Variants in TBL1XR1 observed in about 807,000 individuals in gnomAD.
TBL1XR1 encodes F-box-like/WD repeat-containing protein TBL1XR1.
In TBL1XR1, 5 loss-of-function variants were observed where a neutral mutation model predicts 66.9. The ratio of observed to expected loss-of-function variants is 0.07; its 90% confidence interval spans 0.04 to 0.16. The LOEUF is 0.16. Among genes scored for constraint, TBL1XR1 ranks in the 10% least tolerant of loss-of-function variants. TBL1XR1 has a pLI of 1.00. For missense variants in TBL1XR1, 238 were observed against 623.2 expected, an observed-to-expected ratio of 0.38 and a Z score of 6.58; for synonymous variants, 210 against 206.0, an observed-to-expected ratio of 1.02 and a Z score of -0.17.
intron 5 of TBL1XR1, 148 bp downstream of exon 5, chr3:177,051,356 T>C (rs772648707): frequency 1.3e-4 from 84 of 655,448 alleles, no homozygotes; most frequent in Non-Finnish European, 2.0e-4. Context: ...CTAGGCTTAG[T>C]ACCTGGGTGA....
chr3:177,053,704 A>G, intron 4 of TBL1XR1, 69 bp downstream of exon 4: 1 of 1,450,190 alleles, frequency 6.9e-7, no homozygotes, highest in Non-Finnish European at 9.5e-7. Flanking sequence ...TGAATAAGCA[A>G]GCAAGACAGC....
upstream of TBL1XR1, among the ~76,000 whole-genome samples, chr3:177,201,577 G>T (rs1358597449): frequency 6.6e-6 from 1 of 152,050 alleles, no homozygotes; most frequent in African/African-American, 2.4e-5. Context: ...GGACTACAGG[G>T]TCTCATTACT....
At chr3:177,075,344 C>T (rs2108582384) in intron 2 of TBL1XR1, among the ~76,000 whole-genome samples, 1 of 152,312 alleles carries the variant, frequency 6.6e-6, no homozygotes, top group East Asian at 1.9e-4. Context: ...TATAAAAACA[C>T]CAGTCATACT....
At chr3:177,156,505 T>TTA (rs1222289014) in intron 1 of TBL1XR1, among the ~76,000 whole-genome samples, 6 of 108,276 alleles carry the variant, frequency 5.5e-5, no homozygotes, top group African/African-American at 1.3e-4. Flanking sequence ...AAAAAAAAAA[T>TTA]TATATATATA....
At chr3:177,109,449 G>T (rs891583570) in intron 1 of TBL1XR1, among the ~76,000 whole-genome samples, 1 of 152,106 alleles carries the variant, frequency 6.6e-6, no homozygotes, top group Non-Finnish European at 1.5e-5. Flanking sequence ...TGGGATGATT[G>T]TAAGATTTGT....
At chr3:177,193,588 C>A (rs1382936383) in intron 1 of TBL1XR1, among the ~76,000 whole-genome samples, 1 of 152,292 alleles carries the variant, frequency 6.6e-6, no homozygotes, top group African/African-American at 2.4e-5. Flanking sequence ...GGATTACAGG[C>A]GTGAGCCACT....
At chr3:177,160,369 G>A (rs1454603330) in intron 1 of TBL1XR1, among the ~76,000 whole-genome samples, 1 of 151,848 alleles carries the variant, frequency 6.6e-6, no homozygotes, top group African/African-American at 2.4e-5. Context: ...AGCTATTCAG[G>A]AGGCCAAGGC....
intron 1 of TBL1XR1, among the ~76,000 whole-genome samples, chr3:177,157,674 A>C (rs1731679958): frequency 6.6e-6 from 1 of 152,104 alleles, no homozygotes; most frequent in South Asian, 2.1e-4. Flanking sequence ...AGGGATCTTT[A>C]TTCTCCCTAC....
intron 2 of TBL1XR1, among the ~76,000 whole-genome samples, chr3:177,090,809 C>T (rs563537245): frequency 4.9e-4 from 74 of 151,572 alleles, no homozygotes; most frequent in African/African-American, 1.7e-3. Flanking sequence ...GACTCCGTCT[C>T]GAAATAAAAT....
intron 1 of TBL1XR1, among the ~76,000 whole-genome samples, chr3:177,172,633 A>AAGAGAGAGAGAGAGAGAGAGAGAGAG (rs56803746): frequency 8.5e-6 from 1 of 117,550 alleles, no homozygotes; most frequent in Non-Finnish European, 1.7e-5. Context: ...AGAAAGAGAG[A>AAGAGAGAGAGAGAGAGAGAGAGAGAG]AGAGAGAGAG....
Position 177,154,480 on chromosome 3 carries a change from T to C in TBL1XR1, c.-122+42641A>G, listed in dbSNP as rs376920230. On this transcript the variant is annotated intron_variant, in intron 1 of 15. Transcript: ENST00000457928. The stretch of plus-strand genomic sequence containing the variant: ...GGTACAATCTCAGCTCACTGCAACT[T>C]GTACCTCCCAGGTTCAAGAGATTCT... Among the ~76,000 whole-genome samples, 42 of 152,278 alleles carry C rather than the reference T, an allele frequency of 2.8e-4. No homozygotes were observed. In the South Asian group the frequency reaches 8.3e-3, roughly 30 times the overall value.
At chr3:177,063,743 C>T (rs1293405970) in intron 3 of TBL1XR1, among the ~76,000 whole-genome samples, 1 of 152,222 alleles carries the variant, frequency 6.6e-6, no homozygotes, top group African/African-American at 2.4e-5. Flanking sequence ...GAGCTATTAA[C>T]TTCAAAGCTT....
At chr3:177,035,524 C>T (rs1714658124) in intron 12 of TBL1XR1, among the ~76,000 whole-genome samples, 1 of 151,946 alleles carries the variant, frequency 6.6e-6, no homozygotes, top group Admixed American at 6.6e-5. Flanking sequence ...CGCAATTCTC[C>T]TGCCTCAGCC....
At chr3:177,102,372 C>T (rs1337875346) in intron 1 of TBL1XR1, among the ~76,000 whole-genome samples, 1 of 152,140 alleles carries the variant, frequency 6.6e-6, no homozygotes, top group Non-Finnish European at 1.5e-5. Context: ...TTTCTAGAAA[C>T]ATACGCAGGA....
chr3:177,120,361 T>C (rs1196018106), intron 1 of TBL1XR1, among the ~76,000 whole-genome samples: 2 of 152,170 alleles, frequency 1.3e-5, no homozygotes, highest in South Asian at 4.1e-4. Context: ...AGTCATTTTA[T>C]AGTGTTAGAG....
intron 1 of TBL1XR1, among the ~76,000 whole-genome samples, chr3:177,117,457 T>C (rs1726437735): frequency 6.6e-6 from 1 of 152,216 alleles, no homozygotes; most frequent in Non-Finnish European, 1.5e-5. Flanking sequence ...TGCTGAATTA[T>C]CTGCACAGTC....
intron 1 of TBL1XR1, among the ~76,000 whole-genome samples, chr3:177,122,278 A>G (rs190479327): frequency 4.8e-5 from 4 of 83,840 alleles, no homozygotes; most frequent in Admixed American, 1.7e-4. Flanking sequence ...CATAACTTAT[A>G]TAAGACAGAT....
rs1349101285 is a variant in TBL1XR1, at chr3:177,038,146, G to A, written c.1074C>T (p.Asp358=). Residue 358 remains aspartate, a synonymous_variant, in exon 12 of 16, where the codon GAC becomes GAT. Transcript: ENST00000457928. ...AGGAGGCCAAGAGATTGCCAGTTGG[G>A]TCCCATTTGATAGCATTTACTTCAT... is the stretch of plus-strand genomic sequence containing the variant. The part of the protein sequence containing the change: ...HTNEVNAIKW[D]PTGNLLASCS... The A allele has an allele frequency of 6.2e-7, 1 of 1,613,134 alleles. No individual in the cohort carries two copies. Among genetic ancestry groups the A allele is most frequent in the Non-Finnish European group, 8.5e-7 (1 of 1,179,790 alleles).
chr3:177,108,479 T>C (rs1725151108), intron 1 of TBL1XR1, among the ~76,000 whole-genome samples: 1 of 152,184 alleles, frequency 6.6e-6, no homozygotes, highest in Non-Finnish European at 1.5e-5. Context: ...AGTGTCTTCA[T>C]CTATATAGTG....
Sources: gnomAD v4.1 joint callset for allele counts (sites outside exome capture counted in the v4.1 genomes callset) on GRCh38, gnomAD v4.1.1 for gene constraint, MANE v1.5 for transcripts, NCBI Gene and HGNC (gene_info 2026-07-23, HGNC 2026-07-21) for gene names.